ERBB4: variants seen among roughly 807,000 people sequenced by gnomAD.
ERBB4 encodes receptor tyrosine-protein kinase erbB-4.
Under a neutral mutation model 158.0 loss-of-function variants are expected in ERBB4, and 42 were observed. The ratio of observed to expected loss-of-function variants is 0.27; its 90% confidence interval spans 0.21 to 0.34. The LOEUF (loss-of-function observed/expected upper bound fraction) is 0.34, where lower values mean the gene tolerates loss of function less well. ERBB4 is among the 10% of genes least tolerant of loss of function. The pLI, the probability that ERBB4 is intolerant of heterozygous loss-of-function variation, is 1.00. For synonymous variants in ERBB4, 583 were observed against 558.7 expected, an observed-to-expected ratio of 1.04 and a Z score of -0.61; for missense variants, 1,333 against 1,624.1, an observed-to-expected ratio of 0.82 and a Z score of 3.08.
At chr2:212,472,544 AC>A (rs1474260615) in intron 1 of ERBB4, among the ~76,000 whole-genome samples, 1 of 151,780 alleles carries the variant, frequency 6.6e-6, no homozygotes, top group Non-Finnish European at 1.5e-5. Flanking sequence ...TAAAAAAAAA[AC>A]CTACCTTAAG....
At chr2:211,417,308 A>G (rs1395320616) in intron 25 of ERBB4, among the ~76,000 whole-genome samples, 1 of 142,482 alleles carries the variant, frequency 7.0e-6, no homozygotes, top group Admixed American at 7.1e-5. Context: ...CCCTGTCTCT[A>G]CAAAAAAATA....
intron 2 of ERBB4, among the ~76,000 whole-genome samples, chr2:211,948,462 A>C (rs1200647392): frequency 7.3e-6 from 1 of 137,838 alleles, no homozygotes; most frequent in Admixed American, 7.4e-5. Context: ...AAAAAAAAAA[A>C]ACCTAATTGT....
At chr2:211,708,633 TCTCTCTC>T (rs751619037) in intron 9 of ERBB4, among the ~76,000 whole-genome samples, 5 of 151,696 alleles carry the variant, frequency 3.3e-5, no homozygotes, top group African/African-American at 1.2e-4. Flanking sequence ...TCTCTCTCTC[TCTCTCTC>T]TCTCACTATC....
intron 27 of ERBB4, among the ~76,000 whole-genome samples, chr2:211,386,560 T>C (rs1426046937): frequency 6.6e-6 from 1 of 152,236 alleles, no homozygotes; most frequent in East Asian, 1.9e-4. Context: ...AAAATATGTT[T>C]AGAATAGTGC....
chr2:211,947,453 T>A lies in ERBB4; in HGVS notation c.398A>T (p.Glu133Val). The change falls in exon 3 of 28, where the codon GAA becomes GTA. Residue 133 changes from glutamate to valine, a missense_variant. Coordinates refer to ENST00000342788, the MANE Select transcript of ERBB4 (RefSeq NM_005235.3). The part of the protein sequence containing the change: ...YRKDGNFGLQ[E>V]LGLKNLTEIL... ...ACCTGTCAAGTTCTTTAATCCAAGT[T>A]CTTGAAGTCCAAAGTTTCCATCTTT... The A allele has an allele frequency of 6.2e-7, 1 of 1,613,764 alleles. No homozygotes were observed. The highest frequency in any genetic ancestry group is 8.5e-7 in the Non-Finnish European group (1 of 1,179,784).
At chr2:211,592,970 A>G (rs12614500) in intron 19 of ERBB4, among the ~76,000 whole-genome samples, 130,823 of 150,528 alleles carry the variant, frequency 0.87, 57,004 homozygotes, top group Admixed American at 0.91. Context: ...AGATTATTGC[A>G]CCACTGCACT....
intron 1 of ERBB4, among the ~76,000 whole-genome samples, chr2:212,189,073 C>CT (rs374754039): frequency 0.015 from 1,510 of 98,678 alleles, 19 homozygotes; most frequent in Non-Finnish European, 0.021. Flanking sequence ...AGATTTCTAA[C>CT]TTTTTTTTTG....
At chr2:212,152,110 GTTTT>G (rs1043755163) in intron 1 of ERBB4, among the ~76,000 whole-genome samples, 1 of 151,842 alleles carries the variant, frequency 6.6e-6, no homozygotes, top group Non-Finnish European at 1.5e-5. Context: ...AGGCTCTATT[GTTTT>G]TTTAAATATT....
chr2:212,194,297 C>T (rs894043135), intron 1 of ERBB4, among the ~76,000 whole-genome samples: 2 of 151,018 alleles, frequency 1.3e-5, no homozygotes, highest in African/African-American at 4.9e-5. Context: ...TTTATACACA[C>T]ACACACACAC....
intron 25 of ERBB4, among the ~76,000 whole-genome samples, chr2:211,407,800 G>A (rs1196015643): frequency 1.3e-5 from 2 of 152,172 alleles, no homozygotes; most frequent in Admixed American, 6.5e-5. Context: ...CATTTGGGCA[G>A]GTGAGCGAGG....
chr2:211,597,438 C>G (rs1441608714), intron 19 of ERBB4, among the ~76,000 whole-genome samples: 1 of 152,106 alleles, frequency 6.6e-6, no homozygotes, highest in Non-Finnish European at 1.5e-5. Context: ...TATTAACACT[C>G]TTTTTCAATC....
chr2:211,710,835 T>G (rs1466015452), intron 9 of ERBB4, among the ~76,000 whole-genome samples: 2 of 152,082 alleles, frequency 1.3e-5, no homozygotes, highest in East Asian at 1.9e-4. Flanking sequence ...CCATCATGAT[T>G]GTGAGGCCTC....
chr2:211,980,508 G>C (rs1344524556), intron 2 of ERBB4, among the ~76,000 whole-genome samples: 1 of 152,034 alleles, frequency 6.6e-6, no homozygotes, highest in African/African-American at 2.4e-5. Flanking sequence ...GATAATTTCT[G>C]TTCTAAAGGC....
chr2:211,503,228 GC>G (rs1220363571), intron 20 of ERBB4, among the ~76,000 whole-genome samples: 1 of 152,100 alleles, frequency 6.6e-6, no homozygotes, highest in Non-Finnish European at 1.5e-5. Flanking sequence ...AGTGAGCTGG[GC>G]AGCTGCAGCA....
At chr2:212,039,358 T>C (rs1402305525) in intron 2 of ERBB4, among the ~76,000 whole-genome samples, 1 of 152,176 alleles carries the variant, frequency 6.6e-6, no homozygotes, top group African/African-American at 2.4e-5. Flanking sequence ...TTATATATGG[T>C]TGAACTAATC....
chr2:211,616,093 T>G (rs1354006746), intron 19 of ERBB4, among the ~76,000 whole-genome samples: 1 of 152,112 alleles, frequency 6.6e-6, no homozygotes, highest in African/African-American at 2.4e-5. Context: ...CACCTTTCTT[T>G]GCTTGACAGC....
chr2:212,464,626 G>C (rs1356556654), intron 1 of ERBB4, among the ~76,000 whole-genome samples: 2 of 151,976 alleles, frequency 1.3e-5, no homozygotes, highest in Non-Finnish European at 2.9e-5. Flanking sequence ...CTGTCAATTA[G>C]TAATTCAATT....
intron 1 of ERBB4, among the ~76,000 whole-genome samples, chr2:212,473,067 C>A (rs1010262867): frequency 2.0e-5 from 3 of 151,784 alleles, no homozygotes; most frequent in Non-Finnish European, 4.4e-5. Context: ...TGTATACTGT[C>A]TTAATAAACC....
At chr2:212,392,110 G>A (rs960944752) in intron 1 of ERBB4, among the ~76,000 whole-genome samples, 1 of 151,504 alleles carries the variant, frequency 6.6e-6, no homozygotes, top group African/African-American at 2.4e-5. Context: ...GCTTTTAAGA[G>A]GGTCTGTAAA....
Sources: allele counts gnomAD v4.1 joint callset (sites outside exome capture counted in the v4.1 genomes callset), GRCh38; gene constraint gnomAD v4.1.1; transcripts MANE v1.5; gene names NCBI Gene and HGNC (gene_info 2026-07-23, HGNC 2026-07-21).